DGKI: variants seen among roughly 807,000 people sequenced by gnomAD.
The protein encoded by DGKI is diacylglycerol kinase iota, also known as DAG kinase iota.
Under a neutral mutation model 147.5 loss-of-function variants are expected in DGKI, and 55 were observed. The ratio of observed to expected loss-of-function variants is 0.37; its 90% CI spans 0.30 to 0.47. The LOEUF (loss-of-function observed/expected upper bound fraction) is 0.47. Among genes scored for constraint, DGKI ranks in the 20% least tolerant of loss-of-function variants. The pLI, the probability that DGKI is intolerant of heterozygous loss-of-function variation, is 1.00. For synonymous variants in DGKI, 469 were observed against 477.1 expected (o/e 0.98, Z 0.22); for missense variants, 1,007 against 1,323.8 (o/e 0.76, Z 3.71).
chr7:137,611,215 G>T (rs1820352048), intron 8 of DGKI, among the ~76,000 whole-genome samples: 1 of 152,196 alleles, frequency 6.6e-6, no homozygotes, highest in South Asian at 2.1e-4. Context: ...TCAGCCAAAT[G>T]ATCTAAGAAG....
At chr7:137,395,736 G>C (rs1299731716) in intron 31 of DGKI, 39 bp from the exon 32 acceptor site, 2 of 1,593,252 alleles carry the variant, frequency 1.3e-6, no homozygotes, top group Non-Finnish European at 1.7e-6. Flanking sequence ...CCATAAAGGG[G>C]TTGGAGGCAG....
intron 1 of DGKI, among the ~76,000 whole-genome samples, chr7:137,769,334 A>G (rs1296135678): frequency 1.3e-5 from 2 of 152,264 alleles, no homozygotes; most frequent in Admixed American, 6.5e-5. Flanking sequence ...TATCTGAGTC[A>G]AAGAAATGGG....
rs375087766 is a variant in DGKI at position 137,463,473 on chromosome 7, G to A, written c.2735+16C>T. The A allele has an allele frequency of 6.2e-7, 1 of 1,612,878 alleles. No homozygotes were observed. The highest frequency in any genetic ancestry group is 8.5e-7 in the Non-Finnish European group (1 of 1,179,746). On this transcript the variant is annotated intron_variant, in intron 27 of 32. Transcript: ENST00000614521. ...CACAGTGGCACAGAGGAAAAGAACA[G>A]CAAGAGAACTCTTACTGTAGCACGC...
chr7:137,659,121 G>GT (rs1822326854), intron 3 of DGKI, among the ~76,000 whole-genome samples: 2 of 152,074 alleles, frequency 1.3e-5, no homozygotes. Context: ...TTCTGTTTGG[G>GT]TAGAGCTCCT....
At chr7:137,812,476 C>G (rs932471903) in intron 1 of DGKI, among the ~76,000 whole-genome samples, 1 of 152,212 alleles carries the variant, frequency 6.6e-6, no homozygotes, top group African/African-American at 2.4e-5. Flanking sequence ...TCTTAGAGGA[C>G]AGTAAGGTGC....
chr7:137,414,169 C>CTGGGTGAGCAGA (rs1812272266), intron 28 of DGKI, among the ~76,000 whole-genome samples: 1 of 152,124 alleles, frequency 6.6e-6, no homozygotes, highest in Non-Finnish European at 1.5e-5. Context: ...TGTATGAGTC[C>CTGGGTGAGCAGA]TGGGTGAGCA....
chr7:137,686,083 C>T (rs574316940), intron 2 of DGKI, among the ~76,000 whole-genome samples: 1 of 152,242 alleles, frequency 6.6e-6, no homozygotes, highest in East Asian at 1.9e-4. Flanking sequence ...AACATTGCCC[C>T]TCCTTTTAAG....
intron 1 of DGKI, among the ~76,000 whole-genome samples, chr7:137,729,693 T>C (rs1794813630): frequency 6.6e-6 from 1 of 152,086 alleles, no homozygotes; most frequent in Non-Finnish European, 1.5e-5. Context: ...AAAGTCATTA[T>C]TAACCTTCTA....
intron 28 of DGKI, among the ~76,000 whole-genome samples, chr7:137,422,897 C>G (rs1812636743): frequency 6.6e-6 from 1 of 152,126 alleles, no homozygotes; most frequent in African/African-American, 2.4e-5. Flanking sequence ...AGCCACCGCG[C>G]CCACCCTTGT....
intron 1 of DGKI, among the ~76,000 whole-genome samples, chr7:137,830,654 G>T (rs1798191828): frequency 6.6e-6 from 1 of 152,198 alleles, no homozygotes; most frequent in African/African-American, 2.4e-5. Flanking sequence ...TGGAGATGGT[G>T]CAGTCTAAAG....
chr7:137,421,096 C>G (rs936811019), intron 28 of DGKI, among the ~76,000 whole-genome samples: 2 of 152,016 alleles, frequency 1.3e-5, no homozygotes, highest in Non-Finnish European at 2.9e-5. Flanking sequence ...CCTTTTTCCT[C>G]CTTCAAACAC....
intron 20 of DGKI, among the ~76,000 whole-genome samples, chr7:137,546,489 C>T (rs1817871542): frequency 6.6e-6 from 1 of 152,186 alleles, no homozygotes; most frequent in African/African-American, 2.4e-5. Flanking sequence ...ACTTCAACTT[C>T]CTTCAGTTAA....
intron 3 of DGKI, among the ~76,000 whole-genome samples, chr7:137,677,700 TTC>T (rs1823081289): frequency 6.6e-6 from 1 of 152,204 alleles, no homozygotes; most frequent in African/African-American, 2.4e-5. Flanking sequence ...CTGCAAATAT[TTC>T]TTTCACATAA....
At chr7:137,494,793 C>T (rs1157622841) in intron 21 of DGKI, among the ~76,000 whole-genome samples, 1 of 152,120 alleles carries the variant, frequency 6.6e-6, no homozygotes, top group Non-Finnish European at 1.5e-5. Context: ...GCTAACAACA[C>T]AATGACAGGA....
At chr7:137,609,929 T>C (rs1820310032) in intron 8 of DGKI, among the ~76,000 whole-genome samples, 1 of 152,164 alleles carries the variant, frequency 6.6e-6, no homozygotes, top group South Asian at 2.1e-4. Context: ...TCTGAGGGGC[T>C]CCAGTCTCCC....
At chr7:137,458,520 C>T (rs1002247340) in intron 27 of DGKI, among the ~76,000 whole-genome samples, 4 of 152,080 alleles carry the variant, frequency 2.6e-5, no homozygotes, top group Non-Finnish European at 5.9e-5. Context: ...ATCTAAGAAC[C>T]GGAAAAAGGT....
intron 19 of DGKI, among the ~76,000 whole-genome samples, chr7:137,560,578 C>CA (rs35603498): frequency 0.11 from 16,618 of 152,154 alleles, 2,053 homozygotes; most frequent in African/African-American, 0.3. Context: ...CCTCATGGAG[C>CA]AAAAGGGCCT....
At chr7:137,564,086 A>G (rs768653792) in intron 19 of DGKI, among the ~76,000 whole-genome samples, 9 of 152,180 alleles carry the variant, frequency 5.9e-5, no homozygotes, top group Admixed American at 2.0e-4. Context: ...ATGGAACAGA[A>G]TAGAATCTAG....
intron 20 of DGKI, among the ~76,000 whole-genome samples, chr7:137,528,005 G>T (rs1817211673): frequency 6.6e-6 from 1 of 152,202 alleles, no homozygotes; most frequent in South Asian, 2.1e-4. Flanking sequence ...AGCTCCAGCA[G>T]CTAGAACAAT....
Sources: allele counts gnomAD v4.1 joint callset (sites outside exome capture counted in the v4.1 genomes callset), GRCh38; gene constraint gnomAD v4.1.1; transcripts MANE v1.5; gene names NCBI Gene and HGNC (gene_info 2026-07-23, HGNC 2026-07-21).